ARHGAP32: variants seen among roughly 807,000 people sequenced by gnomAD.
ARHGAP32 encodes the protein rho GTPase-activating protein 32.
In ARHGAP32, 51 loss-of-function variants were observed where a neutral mutation model predicts 186.5. The observed-to-expected ratio is 0.27, with a 90% CI of 0.22 to 0.35. The LOEUF (loss-of-function observed/expected upper bound fraction) is 0.35, where lower values mean the gene tolerates loss of function less well. ARHGAP32 is among the 10% of genes least tolerant of loss of function. The pLI is 1.00. For synonymous variants in ARHGAP32, 950 were observed against 964.3 expected (o/e 0.99, Z 0.27); for missense variants, 2,186 against 2,623.5 (o/e 0.83, Z 3.64).
At chr11:129,102,505 C>CAACAACAAAAACAACAAAAA (rs2135305779) in intron 5 of ARHGAP32, among the ~76,000 whole-genome samples, 1 of 152,192 alleles carries the variant, frequency 6.6e-6, no homozygotes, top group African/African-American at 2.4e-5. Context: ...GAACTTCTAT[C>CAACAACAAAAACAACAAAAA]ACCTAACAAC....
intron 14 of ARHGAP32, 122 bp from the exon 15 acceptor site, chr11:128,986,207 A>AGG (rs1945868227): frequency 1.3e-6 from 1 of 765,144 alleles, no homozygotes; most frequent in African/African-American, 1.8e-5. Context: ...AATGGCGAGG[A>AGG]AACACAACAT....
At chr11:129,061,629 T>C (rs1940508132) in intron 10 of ARHGAP32, among the ~76,000 whole-genome samples, 1 of 152,108 alleles carries the variant, frequency 6.6e-6, no homozygotes, top group African/African-American at 2.4e-5. Context: ...GCATCTACAG[T>C]GTGGATATGC....
intron 2 of ARHGAP32, among the ~76,000 whole-genome samples, chr11:129,127,807 A>C (rs1942698452): frequency 6.6e-6 from 1 of 152,098 alleles, no homozygotes; most frequent in South Asian, 2.1e-4. Flanking sequence ...ATTATCACTT[A>C]ATTATGCTTC....
In ARHGAP32 at chr11:129,265,100, T is replaced by C. The variant is rs369529272; in HGVS notation, c.-5+14046A>G. Among the ~76,000 whole-genome samples, 8 of 152,200 alleles carry C rather than the reference T, an allele frequency of 5.3e-5. No individual in the cohort carries two copies. The South Asian group carries it at 1.0e-3, about 20-fold the overall frequency. ...CTCTAGAAACAACACAGAATACAAA[T>C]GGATAAACATCTTGCTCTACACTCA... On this transcript the variant is annotated intron_variant, in intron 1 of 6. Transcript: ENST00000525234.
chr11:129,120,584 G>A (rs1942501077), intron 5 of ARHGAP32, among the ~76,000 whole-genome samples: 1 of 151,994 alleles, frequency 6.6e-6, no homozygotes, highest in Non-Finnish European at 1.5e-5. Context: ...TAACATATAG[G>A]ATTAAAAATA....
intron 1 of ARHGAP32, among the ~76,000 whole-genome samples, chr11:129,186,747 C>T (rs545730980): frequency 6.6e-6 from 1 of 152,086 alleles, no homozygotes; most frequent in African/African-American, 2.4e-5. Flanking sequence ...AAATGGCAAA[C>T]AAGCGTAGGA....
Position 129,224,749 on chromosome 11 carries a change from A to AC in ARHGAP32, c.-5+54396dup, listed in dbSNP as rs1250608810. Among the ~76,000 whole-genome samples the AC allele has an allele frequency of 2.3e-5, 3 of 129,000 alleles. No homozygotes were observed. The East Asian group carries it at 7.0e-4, about 30-fold the overall frequency. The allele number at this position is 129,000 out of a possible 152,430, so 84.6% of individuals were successfully genotyped here. ...ACTTGGACTGTCTTTATTTGACCTG[A>AC]CTCACAGCTTGGCTAGAGCAAAAAA... On this transcript the variant is annotated intron_variant, in intron 1 of 6. Transcript: ENST00000525234.
intron 11 of ARHGAP32, among the ~76,000 whole-genome samples, chr11:129,013,345 G>A (rs1938181590): frequency 6.6e-6 from 1 of 152,146 alleles, no homozygotes; most frequent in African/African-American, 2.4e-5. Context: ...ATCTAAACTG[G>A]GTGTGTGAGT....
At chr11:129,059,496 A>T (rs1302973739) in intron 10 of ARHGAP32, among the ~76,000 whole-genome samples, 3 of 115,630 alleles carry the variant, frequency 2.6e-5, no homozygotes, top group Non-Finnish European at 1.7e-5. Context: ...CTGATTTGCA[A>T]TTTTTTTTTT....
intron 11 of ARHGAP32, among the ~76,000 whole-genome samples, chr11:129,031,924 C>T (rs1047229641): frequency 1.3e-4 from 20 of 152,128 alleles, no homozygotes; most frequent in African/African-American, 4.1e-4. Flanking sequence ...AGGGAGGGCT[C>T]GACGGCAGGA....
chr11:129,139,496 C>T lies in ARHGAP32; in HGVS notation c.226-14602G>A, dbSNP rs557238776. On this transcript the variant is annotated intron_variant, in intron 2 of 22. Coordinates refer to ENST00000682385, the MANE Select transcript of ARHGAP32 (RefSeq NM_001378024.1). ...CGTTTGACTGTGTCCCCACCCAAAT[C>T]TGATCTTGAATTGTAACTCCCACAA... 2.6e-5 allele frequency among the ~76,000 whole-genome samples: 4 copies of T among 152,294 alleles called. No individual in the cohort carries two copies. In the East Asian group the frequency reaches 7.7e-4, roughly 29 times the overall value.
intron 1 of ARHGAP32, among the ~76,000 whole-genome samples, chr11:129,218,505 G>C (rs1330031864): frequency 6.6e-6 from 1 of 151,906 alleles, no homozygotes; most frequent in African/African-American, 2.4e-5. Flanking sequence ...TCCTAAATTA[G>C]CTCAAGTGTC....
intron 1 of ARHGAP32, among the ~76,000 whole-genome samples, chr11:129,216,669 T>TAAAAA (rs201308944): frequency 3.4e-5 from 4 of 119,084 alleles, no homozygotes; most frequent in South Asian, 2.7e-4. Flanking sequence ...AGACTGTCTT[T>TAAAAA]AAAAAAAAAA....
At chr11:129,085,196 A>C (rs1941348882) in intron 6 of ARHGAP32, among the ~76,000 whole-genome samples, 2 of 151,740 alleles carry the variant, frequency 1.3e-5, no homozygotes, top group Non-Finnish European at 2.9e-5. Flanking sequence ...GCTAATTTTT[A>C]ATTTTTTTAT....
intron 10 of ARHGAP32, among the ~76,000 whole-genome samples, chr11:129,045,269 TGTCGTG>T (rs1484695881): frequency 6.6e-6 from 1 of 152,224 alleles, no homozygotes; most frequent in Admixed American, 6.5e-5. Flanking sequence ...TGACTAGATC[TGTCGTG>T]GTCATCACTT....
At chr11:129,144,764 C>A (rs775396938) in intron 2 of ARHGAP32, among the ~76,000 whole-genome samples, 2 of 152,156 alleles carry the variant, frequency 1.3e-5, no homozygotes, top group Non-Finnish European at 2.9e-5. Flanking sequence ...AAGGAAAAAA[C>A]ATGATTTCTG....
upstream of ARHGAP32, among the ~76,000 whole-genome samples, chr11:129,193,291 G>T (rs1299436651): frequency 1.0e-5 from 1 of 96,628 alleles, no homozygotes; most frequent in Non-Finnish European, 1.9e-5. Flanking sequence ...GGGCAACTTA[G>T]CGAGACCTCA....
chr11:129,122,135 A>T (rs1337884095), intron 5 of ARHGAP32, among the ~76,000 whole-genome samples: 2 of 152,140 alleles, frequency 1.3e-5, no homozygotes, highest in Admixed American at 1.3e-4. Flanking sequence ...CTATTTCATT[A>T]TACAATGTTT....
At chr11:129,041,171 T>A (rs1036235464) in intron 10 of ARHGAP32, among the ~76,000 whole-genome samples, 162 bp from the exon 11 acceptor site, 1 of 152,190 alleles carries the variant, frequency 6.6e-6, no homozygotes, top group Non-Finnish European at 1.5e-5. Context: ...AAACAAATAA[T>A]AAAACAATCT....
Sources: allele counts gnomAD v4.1 joint callset (sites outside exome capture counted in the v4.1 genomes callset), GRCh38; gene constraint gnomAD v4.1.1; transcripts MANE v1.5; gene names NCBI Gene and HGNC (gene_info 2026-07-23, HGNC 2026-07-21).